Variants in ARHGEF26 observed in about 807,000 individuals in gnomAD.
The protein encoded by ARHGEF26 is Rho guanine nucleotide exchange factor (GEF) 26.
A neutral mutation model predicts 89.4 loss-of-function variants in ARHGEF26; 59 were observed. The observed-to-expected ratio is 0.66, with a 90% CI of 0.54 to 0.82. ARHGEF26 has a LOEUF of 0.82. Ranked by LOEUF, ARHGEF26 falls within the 40% of genes least tolerant of loss-of-function variation. The pLI is 0.00. For missense variants in ARHGEF26, 1,234 were observed against 1,085.6 expected (o/e 1.14, Z -1.92); for synonymous variants, 500 against 428.4 (o/e 1.17, Z -2.06).
intron 2 of ARHGEF26, 117 bp from the exon 3 acceptor site, chr3:154,124,293 T>C (rs1718184168): frequency 1.4e-6 from 1 of 702,472 alleles, no homozygotes; most frequent in Admixed American, 3.3e-5. Context: ...ATCTAATTAA[T>C]GTAATGACTA....
Position 154,152,884 on chromosome 3 carries a change from G to A in ARHGEF26, c.1439G>A (p.Arg480Lys). 1 of 1,598,340 alleles carries A rather than the reference G, an allele frequency of 6.3e-7. No individual in the cohort carries two copies. Among genetic ancestry groups the A allele is most frequent in the Non-Finnish European group, 8.5e-7 (1 of 1,172,578 alleles). The change falls in exon 6 of 15, where the codon AGG becomes AAG. Residue 480 changes from arginine to lysine, a missense_variant. By Grantham distance (26) the Arg-to-Lys change is conservative (BLOSUM62 2). Coordinates refer to ENST00000465093, the MANE Select transcript of ARHGEF26 (RefSeq NM_015595.4). ...ELSDTMTKTE[R>K]HHLFSNITDV... ...AGTGATACAATGACTAAAACCGAGA[G>A]GCACCATCTTTTCTCCAATATTACA...
At chr3:154,123,896 C>T (rs1032218085) in intron 2 of ARHGEF26, among the ~76,000 whole-genome samples, 4 of 131,850 alleles carry the variant, frequency 3.0e-5, no homozygotes, top group Non-Finnish European at 4.7e-5. Flanking sequence ...TCCACAGAAA[C>T]AACACAGGTT....
At chr3:154,198,984 T>C (rs1576767083) in intron 9 of ARHGEF26, among the ~76,000 whole-genome samples, 1 of 152,214 alleles carries the variant, frequency 6.6e-6, no homozygotes, top group South Asian at 2.1e-4. Flanking sequence ...TGTTTTGATA[T>C]AGGCATGCAG....
intron 9 of ARHGEF26, among the ~76,000 whole-genome samples, chr3:154,203,268 G>T (rs566953813): frequency 6.6e-6 from 1 of 152,054 alleles, no homozygotes; most frequent in Admixed American, 6.6e-5. Flanking sequence ...TATGGTTTTT[G>T]TCTTTGGTTC....
intron 6 of ARHGEF26, among the ~76,000 whole-genome samples, chr3:154,176,525 G>A (rs951903439): frequency 2.6e-5 from 4 of 152,160 alleles, no homozygotes; most frequent in African/African-American, 9.7e-5. Flanking sequence ...TCCTTCACAA[G>A]CAATGAAAGG....
rs566355624 is a variant in ARHGEF26 at position 154,164,953 on chromosome 3, T to C, written c.1487+12021T>C. On this transcript the variant is annotated intron_variant, in intron 6 of 14. Transcript: ENST00000465093. Reference sequence around the variant, plus strand: ...AAAGAAAGCTGGAGTGATTAAGTTATGAAATTATTCTCTTGGATTTATCTA... The same window carrying C: ...AAAGAAAGCTGGAGTGATTAAGTTACGAAATTATTCTCTTGGATTTATCTA... 1.3e-4 allele frequency among the ~76,000 whole-genome samples: 20 copies of C among 152,350 alleles called. No homozygotes were observed. The South Asian group carries it at 3.9e-3, about 30-fold the overall frequency.
intron 5 of ARHGEF26, 35 bp from the exon 6 acceptor site, chr3:154,152,737 G>T (rs1171188219): frequency 2.9e-6 from 4 of 1,392,020 alleles, no homozygotes; most frequent in Admixed American, 3.0e-5. Context: ...TTAATTAAAA[G>T]AATTAATAAT....
Position 154,191,408 on chromosome 3 carries a change from T to C in ARHGEF26, c.1760T>C (p.Leu587Pro). 1.2e-6 allele frequency: 2 copies of C among 1,613,808 alleles called. No homozygotes were observed. The highest frequency in any genetic ancestry group is 1.7e-6 in the Non-Finnish European group (2 of 1,179,792). The change falls in exon 8 of 15, where the codon CTG (leucine) becomes CCG (proline). Residue 587 changes from leucine (L) to proline (P), a missense_variant. Transcript: ENST00000465093. Reference protein sequence around the residue: ...LPMQRVTRLPLLMDTICQKTP... With the variant: ...LPMQRVTRLPPLMDTICQKTP... ...ATGCAGAGGGTGACCCGCCTTCCCC[T>C]GCTGATGGATGTAAGACATGACGGT...
chr3:154,159,025 A>C (rs573090666), intron 6 of ARHGEF26, among the ~76,000 whole-genome samples: 9 of 152,224 alleles, frequency 5.9e-5, no homozygotes, highest in African/African-American at 1.9e-4. Context: ...ACTGAATGTT[A>C]ACCCTTCTCC....
chr3:154,217,922 G>A lies in ARHGEF26; in HGVS notation c.1899G>A (p.Met633Ile), dbSNP rs202135882. Residue 633 changes from methionine (M) to isoleucine (I), a missense_variant, in exon 10 of 15, where the codon ATG becomes ATA. Met to Ile is a conservative substitution (Grantham distance 10, BLOSUM62 1). Coordinates refer to ENST00000465093, the MANE Select transcript of ARHGEF26 (RefSeq NM_015595.4). Reference protein sequence around the residue: ...GARKMERTEMMYTINSQLEFK... With the variant: ...GARKMERTEMIYTINSQLEFK... ...GGAAGATGGAAAGGACTGAGATGATGTACACAATTAACTCCCAGCTGGAAT... is the reference window on the plus strand; with the variant it reads ...GGAAGATGGAAAGGACTGAGATGATATACACAATTAACTCCCAGCTGGAAT... The A allele has an allele frequency of 4.4e-6, 7 of 1,600,506 alleles. No homozygotes were observed. The highest frequency in any genetic ancestry group is 1.3e-5 in the African/African-American group (1 of 74,690).
intron 10 of ARHGEF26, among the ~76,000 whole-genome samples, chr3:154,218,231 T>A (rs1456929748): frequency 6.6e-6 from 1 of 151,958 alleles, no homozygotes; most frequent in East Asian, 1.9e-4. Flanking sequence ...AATAATAGAA[T>A]AGGGTAGTTA....
chr3:154,175,731 C>A (rs1240392551), intron 6 of ARHGEF26, among the ~76,000 whole-genome samples: 1 of 152,238 alleles, frequency 6.6e-6, no homozygotes, highest in East Asian at 1.9e-4. Context: ...TTTAGTTCCC[C>A]CTTCAAAGGA....
At chr3:154,212,485 G>A (rs942673194) in intron 9 of ARHGEF26, among the ~76,000 whole-genome samples, 5 of 151,640 alleles carry the variant, frequency 3.3e-5, no homozygotes, top group Admixed American at 3.3e-4. Flanking sequence ...CTTCTGGTTG[G>A]CTTTCTGTTC....
chr3:154,131,203 G>C (rs542770595), intron 4 of ARHGEF26, among the ~76,000 whole-genome samples: 1 of 152,146 alleles, frequency 6.6e-6, no homozygotes, highest in African/African-American at 2.4e-5. Context: ...GTGGTGAACA[G>C]GCCTTATATA....
At chr3:154,127,194 TAAAG>T (rs1486302084) in intron 3 of ARHGEF26, among the ~76,000 whole-genome samples, 3 of 152,180 alleles carry the variant, frequency 2.0e-5, no homozygotes, top group African/African-American at 2.4e-5. Context: ...TATTAAATTT[TAAAG>T]AAACTTTTCA....
chr3:154,181,563 G>A (rs1713186139), intron 6 of ARHGEF26, among the ~76,000 whole-genome samples: 1 of 152,188 alleles, frequency 6.6e-6, no homozygotes, highest in African/African-American at 2.4e-5. Flanking sequence ...TGTTTCCAGA[G>A]CTAGAGTGCT....
chr3:154,122,733 G>A lies in ARHGEF26; in HGVS notation c.741G>A (p.Lys247=). The A allele has an allele frequency of 6.2e-7, 1 of 1,613,212 alleles. No homozygotes were observed. ...TNSPAALKVG[K]QQIIPKSLAS... Reference sequence around the variant, plus strand: ...GCCCCGCCGCCCTCAAAGTGGGGAAGCAGCAGATCATTCCGAAGAGTCTGG... The same window carrying A: ...GCCCCGCCGCCCTCAAAGTGGGGAAACAGCAGATCATTCCGAAGAGTCTGG... The change falls in exon 2 of 15, where the codon AAG becomes AAA. Residue 247 remains lysine, a synonymous_variant. Transcript: ENST00000465093.
intron 4 of ARHGEF26, among the ~76,000 whole-genome samples, chr3:154,137,535 T>C (rs896961306): frequency 8.5e-5 from 13 of 152,192 alleles, no homozygotes; most frequent in African/African-American, 3.1e-4. Context: ...CTAAGAGAGA[T>C]AAAGGTGGGG....
intron 6 of ARHGEF26, chr3:154,187,288 A>G (rs1051868433): frequency 1.2e-6 from 1 of 865,054 alleles, no homozygotes; most frequent in East Asian, 1.2e-4. Context: ...CCCATAAAGA[A>G]TTCTTGAAAA....
Sources: allele counts gnomAD v4.1 joint callset (sites outside exome capture counted in the v4.1 genomes callset), GRCh38; gene constraint gnomAD v4.1.1; transcripts MANE v1.5; gene names NCBI Gene and HGNC (gene_info 2026-07-23, HGNC 2026-07-21).